The following SEMA3D variants were observed in gnomAD, a reference collection of about 807,000 sequenced individuals.
SEMA3D encodes the protein semaphorin 3D, also known as semaphorin-3D.
Under a neutral mutation model 100.1 loss-of-function variants are expected in SEMA3D, and 84 were observed. That is an observed-to-expected ratio of 0.84 (90% CI 0.70 to 1.01). SEMA3D has a LOEUF of 1.01. Ranked by LOEUF, SEMA3D falls within the 50% of genes least tolerant of loss-of-function variation. The pLI is 0.00. For missense variants in SEMA3D, 875 were observed against 934.1 expected, an observed-to-expected ratio of 0.94 and a Z score of 0.82; for synonymous variants, 312 against 320.7, an observed-to-expected ratio of 0.97 and a Z score of 0.29.
chr7:85,224,391 A>G, the SEMA3D span, among the ~76,000 whole-genome samples: 17 of 152,202 alleles, frequency 1.1e-4, no homozygotes, highest in African/African-American at 4.1e-4. Context: ...TCTTGGATAA[A>G]TGGTAGTCCA....
chr7:85,177,398 C>A (rs1411603009), intron 1 of SEMA3D, among the ~76,000 whole-genome samples: 1 of 151,898 alleles, frequency 6.6e-6, no homozygotes, highest in Non-Finnish European at 1.5e-5. Context: ...GAGAGTGATT[C>A]TTCAGGCACT....
chr7:85,145,423 T>C (rs2116473231), intron 2 of SEMA3D, among the ~76,000 whole-genome samples: 1 of 152,234 alleles, frequency 6.6e-6, no homozygotes, highest in South Asian at 2.1e-4. Context: ...TTTTATGCTA[T>C]CATTGTTAGT....
At chr7:85,097,743 C>T (rs1788605502) in intron 4 of SEMA3D, 62 bp downstream of exon 4, 17 of 1,080,328 alleles carry the variant, frequency 1.6e-5, no homozygotes, top group South Asian at 1.7e-5. Context: ...CAAAACAAAA[C>T]GGGAGAAGAA....
chr7:85,015,055 T>C lies in SEMA3D; in HGVS notation c.1703+4A>G. On this transcript the variant is annotated splice_donor_region_variant and intron_variant, in intron 16 of 18. Coordinates refer to ENST00000284136, the MANE Select transcript of SEMA3D (RefSeq NM_001384900.1). ...CCTTTATATTAACTCCATGTGCCTC[T>C]TACCTTTTAGAAGTAGGAGCATATC... is the stretch of plus-strand genomic sequence containing the variant. 1 of 1,609,378 alleles carries C rather than the reference T, an allele frequency of 6.2e-7. No individual in the cohort carries two copies. Among genetic ancestry groups the C allele is most frequent in the Non-Finnish European group, 8.5e-7 (1 of 1,176,654 alleles).
At chr7:85,047,434 A>C (rs558500758) in intron 9 of SEMA3D, among the ~76,000 whole-genome samples, 1 of 151,924 alleles carries the variant, frequency 6.6e-6, no homozygotes, top group South Asian at 2.1e-4. Context: ...ACTTTTATTG[A>C]GTGTGCCTTT....
At chr7:85,209,688 C>T in the SEMA3D span, among the ~76,000 whole-genome samples, 18 of 152,046 alleles carry the variant, frequency 1.2e-4, no homozygotes, top group African/African-American at 4.3e-4. Context: ...AAACTATCAA[C>T]CTGTAGAAAC....
At chr7:85,220,015 T>C in the SEMA3D span, among the ~76,000 whole-genome samples, 1 of 152,074 alleles carries the variant, frequency 6.6e-6, no homozygotes, top group African/African-American at 2.4e-5. Flanking sequence ...TATTAGCAAA[T>C]TGTCAGTCAA....
chr7:85,246,530 G>A, the SEMA3D span, among the ~76,000 whole-genome samples: 4 of 151,858 alleles, frequency 2.6e-5, no homozygotes, highest in South Asian at 4.1e-4. Flanking sequence ...TATGTGAAAC[G>A]CTTAATTGTC....
intron 14 of SEMA3D, among the ~76,000 whole-genome samples, chr7:85,019,750 T>C (rs976233821): frequency 6.6e-6 from 1 of 151,666 alleles, no homozygotes; most frequent in Non-Finnish European, 1.5e-5. Flanking sequence ...ATCTACTAAC[T>C]CTTTTTGCCG....
At position 85,015,200 on chromosome 7, in the gene SEMA3D, C is replaced by T; in HGVS notation, c.1562G>A (p.Gly521Asp). Residue 521 changes from glycine (G) to aspartate (D), a missense_variant, in exon 16 of 19, where the codon GGT (glycine) becomes GAT (aspartate). Coordinates refer to ENST00000284136, the MANE Select transcript of SEMA3D (RefSeq NM_001384900.1). The part of the protein sequence containing the change: ...LSLKQQQLYI[G>D]SRDGLVQLSL... ...GAGCTGAACCAATCCATCTCGGGAA[C>T]CAATGTACAATTGTTGCTGCAAATC... The T allele has an allele frequency of 6.2e-7, 1 of 1,609,236 alleles. No individual in the cohort carries two copies. The highest frequency in any genetic ancestry group is 8.5e-7 in the Non-Finnish European group (1 of 1,176,548).
rs146800519 is a variant in SEMA3D, at chr7:85,179,172, A to C, written c.-173+7506T>G. ...AAATGTGGGGTGAGAGCCCTCACAA[A>C]GTAATGGAGTAGTGGCCAGAGCCTC... On this transcript the variant is annotated intron_variant, in intron 1 of 18. Transcript: ENST00000284136. 2.0e-4 allele frequency among the ~76,000 whole-genome samples: 30 copies of C among 152,294 alleles called. No homozygotes were observed. In the East Asian group the frequency reaches 5.4e-3, roughly 27 times the overall value.
chr7:85,239,519 A>G, the SEMA3D span, among the ~76,000 whole-genome samples: 1 of 152,200 alleles, frequency 6.6e-6, no homozygotes, highest in Non-Finnish European at 1.5e-5. Context: ...GCACAGTGTC[A>G]TAGCAGCACA....
the SEMA3D span, among the ~76,000 whole-genome samples, chr7:85,195,538 G>A: frequency 6.6e-6 from 1 of 151,642 alleles, no homozygotes; most frequent in African/African-American, 2.4e-5. Context: ...CTGTAGCCTC[G>A]ACCTCCCATG....
At chr7:85,179,534 T>C (rs1791335262) in intron 1 of SEMA3D, among the ~76,000 whole-genome samples, 1 of 152,208 alleles carries the variant, frequency 6.6e-6, no homozygotes. Context: ...ATTTCCCCTT[T>C]TGGAATGGGT....
intron 1 of SEMA3D, among the ~76,000 whole-genome samples, chr7:85,169,366 G>C (rs1352484090): frequency 6.6e-6 from 1 of 151,814 alleles, no homozygotes; most frequent in East Asian, 1.9e-4. Context: ...TAGAGACACT[G>C]CTTTCTGAAC....
At chr7:85,080,725 G>A (rs1387854165) in intron 5 of SEMA3D, among the ~76,000 whole-genome samples, 1 of 152,110 alleles carries the variant, frequency 6.6e-6, no homozygotes, top group African/African-American at 2.4e-5. Flanking sequence ...CTCGGATGAG[G>A]AGAGGAGCCA....
At chr7:85,072,191 CA>C (rs895243097) in intron 6 of SEMA3D, among the ~76,000 whole-genome samples, 54 of 152,042 alleles carry the variant, frequency 3.6e-4, no homozygotes, top group African/African-American at 1.3e-3. Context: ...AATTTAATTG[CA>C]AAAATATGCA....
the SEMA3D span, among the ~76,000 whole-genome samples, chr7:85,236,606 A>C: frequency 6.6e-6 from 1 of 151,996 alleles, no homozygotes; most frequent in African/African-American, 2.4e-5. Flanking sequence ...GCACCCAGAC[A>C]ATATTTTAAT....
upstream of SEMA3D, among the ~76,000 whole-genome samples, chr7:85,189,568 T>A (rs1338267321): frequency 6.6e-6 from 1 of 152,174 alleles, no homozygotes; most frequent in East Asian, 1.9e-4. Flanking sequence ...ATTTAACGAG[T>A]GAGCCTTAAT....
Sources: gnomAD v4.1 joint callset for allele counts (sites outside exome capture counted in the v4.1 genomes callset) on GRCh38, gnomAD v4.1.1 for gene constraint, MANE v1.5 for transcripts, NCBI Gene and HGNC (gene_info 2026-07-23, HGNC 2026-07-21) for gene names.